Variants in AP2A2 observed in about 807,000 individuals in gnomAD.
The protein encoded by AP2A2 is adaptor related protein complex 2 subunit alpha 2.
In AP2A2, 32 loss-of-function variants were observed where a neutral mutation model predicts 104.2. The observed-to-expected ratio is 0.31, with a 90% CI of 0.23 to 0.41. The LOEUF (loss-of-function observed/expected upper bound fraction) is 0.41, where lower values mean the gene tolerates loss of function less well. Ranked by LOEUF, AP2A2 falls within the 10% of genes least tolerant of loss-of-function variation. AP2A2 has a pLI of 1.00. For missense variants in AP2A2, 912 were observed against 1,261.0 expected, an observed-to-expected ratio of 0.72 and a Z score of 4.19; for synonymous variants, 539 against 533.3, an observed-to-expected ratio of 1.01 and a Z score of -0.15.
intron 1 of AP2A2, chr11:943,369 G>C (rs1025343427): frequency 6.5e-6 from 1 of 153,080 alleles, no homozygotes; most frequent in Non-Finnish European, 1.5e-5. Context: ...GGATGGGACA[G>C]GGATTTTCAC....
At position 990,480 on chromosome 11, in the gene AP2A2, G is replaced by C. The variant is rs575161068; in HGVS notation, c.1269+1791G>C. Among the ~76,000 whole-genome samples the C allele has an allele frequency of 2.3e-4, 35 of 152,316 alleles. 2 individuals carry two copies. The South Asian group carries it at 6.0e-3, about 26-fold the overall frequency. The stretch of plus-strand genomic sequence containing the variant: ...GGTGTTTTGAACAGAGACAGAAGCA[G>C]TGTGCTTCTGAGTGCAGTTGTGCAG... On this transcript the variant is annotated intron_variant, in intron 10 of 21. Transcript: ENST00000448903.
At chr11:930,445 TGA>T (rs1457315898) in intron 1 of AP2A2, among the ~76,000 whole-genome samples, 3 of 152,186 alleles carry the variant, frequency 2.0e-5, no homozygotes, top group African/African-American at 7.2e-5. Flanking sequence ...ATTCAGTGTG[TGA>T]GAGTTAATAA....
At position 970,221 on chromosome 11, in the gene AP2A2, C is replaced by T. The variant is rs373083307; in HGVS notation, c.189C>T (p.Leu63=). ...AAAAAAAGTACGTCTGCAAGTTGCT[C>T]TTCATCTTTCTCCTTGGTCATGACA... ...YSKKKYVCKL[L]FIFLLGHDID... The change falls in exon 3 of 22, where the codon CTC becomes CTT. Residue 63 remains leucine (L), a synonymous_variant. Coordinates refer to ENST00000448903, the MANE Select transcript of AP2A2 (RefSeq NM_012305.4). The T allele has an allele frequency of 1.2e-6, 2 of 1,614,014 alleles. No homozygotes were observed. Among genetic ancestry groups the T allele is most frequent in the African/African-American group, 1.3e-5 (1 of 75,066 alleles).
In AP2A2 at chr11:1,010,763, T is replaced by C. The variant is rs2064828354; in HGVS notation, c.*138T>C. 2 of 748,718 alleles carry C rather than the reference T, an allele frequency of 2.7e-6. No individual in the cohort carries two copies. The highest frequency in any genetic ancestry group is 5.4e-5 in the East Asian group (2 of 37,360). 46.4% of individuals were successfully genotyped at this position (748,718 alleles called of 1,614,324 possible). ...CCTCCCCGCCCCGCCGCCCCACACC[T>C]CTCCCCTTTGGGCTGGACGGGAACA... On this transcript the variant is annotated 3_prime_UTR_variant, in exon 22 of 22. Coordinates refer to ENST00000448903, the MANE Select transcript of AP2A2 (RefSeq NM_012305.4).
rs747819243 is a variant in AP2A2 at position 992,038 on chromosome 11, T to C, written c.1270-465T>C. 1.1e-4 allele frequency among the ~76,000 whole-genome samples: 17 copies of C among 151,998 alleles called. No individual in the cohort carries two copies. Among genetic ancestry groups the C allele is most frequent in the Non-Finnish European group, 2.1e-4 (14 of 67,998 alleles). Reference sequence around the variant, plus strand: ...AAGAAGGGGAACCCCCAGGTGAGGCTCGCAGGAAAGACTGGCCAGAGCCGG... The same window carrying C: ...AAGAAGGGGAACCCCCAGGTGAGGCCCGCAGGAAAGACTGGCCAGAGCCGG... On this transcript the variant is annotated intron_variant, in intron 10 of 21. Transcript: ENST00000448903. This position sits in a 1 kb window ranked among gnomAD's most constrained non-coding sequence, Gnocchi z 6.4.
At chr11:956,921 A>C (rs1172269396) in intron 1 of AP2A2, 1 of 152,206 alleles carries the variant, frequency 6.6e-6, no homozygotes, top group Non-Finnish European at 1.5e-5. Context: ...ACAAGCTATC[A>C]GTTCTGCAGC....
intron 4 of AP2A2, among the ~76,000 whole-genome samples, chr11:973,068 G>A (rs1564801762): frequency 6.6e-6 from 1 of 152,246 alleles, no homozygotes; most frequent in South Asian, 2.1e-4. Flanking sequence ...ATACCCTGCG[G>A]AGTTGGGAAA....
rs1564799363 is a variant in AP2A2 at position 969,219 on chromosome 11, C to CTTTTTTTTTTTTTTTTTT, written c.137-950_137-949insTTTTTTTTTTTTTTTTTT. ...GAAACTCCTGGCAATGTAGAACAGC[C>CTTTTTTTTTTTTTTTTTT]CTTTTTTTTTTTTTTTTTTTTTTTT... On this transcript the variant is annotated intron_variant, in intron 2 of 21. Coordinates refer to ENST00000448903, the MANE Select transcript of AP2A2 (RefSeq NM_012305.4). 1.5e-4 allele frequency among the ~76,000 whole-genome samples: 17 copies of CTTTTTTTTTTTTTTTTTT among 112,812 alleles called. 8 individuals are homozygous for CTTTTTTTTTTTTTTTTTT. Among genetic ancestry groups the CTTTTTTTTTTTTTTTTTT allele is most frequent in the Non-Finnish European group, 1.7e-4 (9 of 54,346 alleles). 74.0% of individuals were successfully genotyped at this position (112,812 alleles called of 152,430 possible).
intron 1 of AP2A2, among the ~76,000 whole-genome samples, chr11:949,073 G>T (rs1419233465): frequency 1.3e-5 from 2 of 151,870 alleles, no homozygotes; most frequent in African/African-American, 2.4e-5. Flanking sequence ...GTGATCATTT[G>T]AGGTCAGGAG....
At chr11:952,161 C>G (rs1854074758) in intron 1 of AP2A2, among the ~76,000 whole-genome samples, 1 of 152,212 alleles carries the variant, frequency 6.6e-6, no homozygotes. Flanking sequence ...TGAGCCACTG[C>G]CCAGTCTGAA....
At chr11:930,766 G>T (rs879797683) in intron 1 of AP2A2, among the ~76,000 whole-genome samples, 1 of 152,050 alleles carries the variant, frequency 6.6e-6, no homozygotes, top group Admixed American at 6.6e-5. Flanking sequence ...GTGATCCACC[G>T]GCCTCGGCCT....
At chr11:1,009,435 GC>G in intron 20 of AP2A2, 38 bp downstream of exon 20, 2 of 1,572,324 alleles carry the variant, frequency 1.3e-6, no homozygotes, top group Non-Finnish European at 1.7e-6. Context: ...GGGACACGCA[GC>G]CCGTGACCCC....
rs1359532746 is a variant in AP2A2, at chr11:984,435, C to G, written c.706-210C>G. Among the ~76,000 whole-genome samples, 5 of 152,328 alleles carry G rather than the reference C, an allele frequency of 3.3e-5. No individual in the cohort carries two copies. In the Middle Eastern group the frequency reaches 0.014, roughly 414 times the overall value. ...CTTGTACCGAGCGAGGGCTGCCACT[C>G]AGCTGCGGCAGCGTGTTGCCGAGTG... On this transcript the variant is annotated intron_variant, in intron 6 of 21. Coordinates refer to ENST00000448903, the MANE Select transcript of AP2A2 (RefSeq NM_012305.4).
intron 1 of AP2A2, among the ~76,000 whole-genome samples, chr11:941,274 G>A (rs1853635333): frequency 6.6e-6 from 1 of 152,096 alleles, no homozygotes; most frequent in Non-Finnish European, 1.5e-5. Flanking sequence ...CCTTGGCTGA[G>A]TCAGTTACTG....
At chr11:932,827 A>C (rs955993944) in intron 1 of AP2A2, 1 of 444,760 alleles carries the variant, frequency 2.2e-6, no homozygotes. Context: ...GGTGGTGAAC[A>C]TATTTTGTGC....
chr11:950,449 C>T (rs984597973), intron 1 of AP2A2, among the ~76,000 whole-genome samples: 7 of 151,934 alleles, frequency 4.6e-5, no homozygotes, highest in African/African-American at 1.7e-4. Context: ...GCTGGGGCCA[C>T]AGGCCTGCAC....
At chr11:941,121 C>T (rs2134482450) in intron 1 of AP2A2, among the ~76,000 whole-genome samples, 1 of 152,350 alleles carries the variant, frequency 6.6e-6, no homozygotes, top group East Asian at 1.9e-4. Flanking sequence ...CTGCTGCTCT[C>T]TGTATAGACT....
At chr11:948,852 C>T (rs1373898696) in intron 1 of AP2A2, among the ~76,000 whole-genome samples, 4 of 146,044 alleles carry the variant, frequency 2.7e-5, no homozygotes, top group Admixed American at 7.0e-5. Flanking sequence ...GGGCAACGAG[C>T]GAAACTCCAT....
intron 1 of AP2A2, among the ~76,000 whole-genome samples, chr11:927,510 T>TAAA (rs10665614): frequency 7.6e-6 from 1 of 131,754 alleles, no homozygotes; most frequent in African/African-American, 2.8e-5. Context: ...TGTACTCTGT[T>TAAA]AAAAAAAAAA....
Sources: gnomAD v4.1 joint callset for allele counts (sites outside exome capture counted in the v4.1 genomes callset) on GRCh38, gnomAD v4.1.1 for gene constraint, Gnocchi (gnomAD v3.1) non-coding constraint, MANE v1.5 for transcripts, NCBI Gene and HGNC (gene_info 2026-07-23, HGNC 2026-07-21) for gene names.